Variants in RGP1 observed in about 807,000 individuals in gnomAD.
The protein encoded by RGP1 is RGP1 partner of RAB6A GEF complex, also known as RAB6A-GEF complex partner protein 2.
Under a neutral mutation model 44.5 loss-of-function variants are expected in RGP1, and 28 were observed. The ratio of observed to expected loss-of-function variants is 0.63; its 90% CI spans 0.47 to 0.86. RGP1 has a LOEUF of 0.86. Ranked by LOEUF, RGP1 falls within the 40% of genes least tolerant of loss-of-function variation. RGP1 has a pLI of 0.00. For missense variants in RGP1, 417 were observed against 490.7 expected (o/e 0.85, Z 1.42); for synonymous variants, 212 against 196.7 (o/e 1.08, Z -0.65).
the RGP1 span, among the ~76,000 whole-genome samples, chr9:35,788,612 C>A: frequency 6.6e-6 from 1 of 151,426 alleles, no homozygotes; most frequent in Non-Finnish European, 1.5e-5. Flanking sequence ...TGTTGATTGA[C>A]CCTATCCAGA....
chr9:35,762,114 GA>G (rs543166937), downstream of RGP1, among the ~76,000 whole-genome samples: 905 of 150,436 alleles, frequency 6.0e-3, 16 homozygotes, highest in Non-Finnish European at 5.7e-3. Context: ...AGATTCTGTT[GA>G]AAAAAAAAAT....
chr9:35,778,349 C>T, the RGP1 span, among the ~76,000 whole-genome samples: 189 of 152,252 alleles, frequency 1.2e-3, 2 homozygotes, highest in Non-Finnish European at 2.2e-3. Flanking sequence ...CTGTCTCTTT[C>T]ATCTTGCCCT....
the RGP1 span, among the ~76,000 whole-genome samples, chr9:35,773,785 A>G: frequency 6.6e-6 from 1 of 151,964 alleles, no homozygotes; most frequent in African/African-American, 2.4e-5. Context: ...TACAGGCGTG[A>G]GCCACCGAGC....
At chr9:35,767,993 G>A in the RGP1 span, among the ~76,000 whole-genome samples, 2 of 152,000 alleles carry the variant, frequency 1.3e-5, no homozygotes, top group South Asian at 4.2e-4. Context: ...TAGAGACAGG[G>A]TTTCGCTATG....
the RGP1 span, among the ~76,000 whole-genome samples, chr9:35,770,493 GA>G: frequency 6.3e-4 from 3 of 4,760 alleles, no homozygotes; most frequent in Non-Finnish European, 1.8e-3. Flanking sequence ...TATTACCATG[GA>G]GAGAGAGAGA....
chr9:35,759,567 C>CAAAA (rs57938702), downstream of RGP1, among the ~76,000 whole-genome samples: 16 of 38,308 alleles, frequency 4.2e-4, no homozygotes, highest in South Asian at 1.9e-3. Flanking sequence ...ACCCTGTCTC[C>CAAAA]AAAAAAAAAA....
At chr9:35,776,474 A>T in the RGP1 span, among the ~76,000 whole-genome samples, 1 of 151,792 alleles carries the variant, frequency 6.6e-6, no homozygotes. Context: ...TTCAGTAGAG[A>T]CAGGGTTTCA....
Position 35,754,094 on chromosome 9 carries a change from C to T in RGP1, c.*1220C>T, listed in dbSNP as rs756553841. ...TGATCCCCCAGCCTCCTAGGATCCC[C>T]TTGGCCTGTCCAGCCCAGAGCATCC... On this transcript the variant is annotated 3_prime_UTR_variant, in exon 9 of 9. Transcript: ENST00000378078. The T allele has an allele frequency of 6.8e-6, 11 of 1,613,596 alleles. No individual in the cohort carries two copies. In the East Asian group the frequency reaches 2.0e-4, roughly 29 times the overall value.
At chr9:35,763,881 C>CAAAAAAAAAA in the RGP1 span, among the ~76,000 whole-genome samples, 14 of 81,788 alleles carry the variant, frequency 1.7e-4, no homozygotes, top group South Asian at 8.9e-4. Flanking sequence ...GACTCCATCT[C>CAAAAAAAAAA]AAAAAAAAAA....
rs752735628 is a variant in RGP1 at position 35,753,174 on chromosome 9, C to A, written c.*300C>A. The A allele has an allele frequency of 1.2e-6, 2 of 1,614,188 alleles. No individual in the cohort carries two copies. The highest frequency in any genetic ancestry group is 1.7e-4 in the Middle Eastern group (1 of 6,060). On this transcript the variant is annotated 3_prime_UTR_variant, in exon 9 of 9. Transcript: ENST00000378078. This position sits in a 1 kb window ranked among gnomAD's most constrained non-coding sequence, Gnocchi z 4.2. Reference sequence around the variant, plus strand: ...CCCCATTCTGGGTCAGGCCCTCCCCCTTTGCAGGGCAGCCGAGGGTCAGAT... The same window carrying A: ...CCCCATTCTGGGTCAGGCCCTCCCCATTTGCAGGGCAGCCGAGGGTCAGAT...
Position 35,750,276 on chromosome 9 carries a change from C to G in RGP1, c.150C>G (p.His50Gln), listed in dbSNP as rs1222613482. 6.2e-7 allele frequency: 1 copy of G among 1,613,928 alleles called. No individual in the cohort carries two copies. The highest frequency in any genetic ancestry group is 1.1e-5 in the South Asian group (1 of 91,074). Reference protein sequence around the residue: ...EALAWASAQIHCQFHASESRV... With the variant: ...EALAWASAQIQCQFHASESRV... Reference sequence around the variant, plus strand: ...TGGCCTGGGCCAGTGCCCAAATCCACTGCCAGTTCCATGCCAGTGAGAGTC... The same window carrying G: ...TGGCCTGGGCCAGTGCCCAAATCCAGTGCCAGTTCCATGCCAGTGAGAGTC... The change falls in exon 3 of 9, where the codon CAC becomes CAG. Residue 50 changes from histidine to glutamine, a missense_variant. Transcript: ENST00000378078.
At chr9:35,787,029 G>A in the RGP1 span, among the ~76,000 whole-genome samples, 2 of 151,538 alleles carry the variant, frequency 1.3e-5, no homozygotes, top group African/African-American at 4.8e-5. Flanking sequence ...TAACCCGGGA[G>A]GCGGAGCTTG....
rs553321934 is a variant in RGP1 at position 35,749,330 on chromosome 9, C to A, written c.-98C>A. On this transcript the variant is annotated 5_prime_UTR_variant, in exon 1 of 9. Coordinates refer to ENST00000378078, the MANE Select transcript of RGP1 (RefSeq NM_001080496.3). This position sits in a 1 kb window ranked among gnomAD's most constrained non-coding sequence, Gnocchi z 4.4. ...CAGCGGACGCCGCCGCCGCCGCCGC[C>A]GCCGCGTACCTAGCCAGGTCCCTGA... 807 of 530,150 alleles carry A rather than the reference C, an allele frequency of 1.5e-3. 3 individuals carry two copies. Among genetic ancestry groups the A allele is most frequent in the Non-Finnish European group, 2.1e-3 (554 of 259,152 alleles). The allele number at this position is 530,150 out of a possible 1,614,324, so 32.8% of individuals were successfully genotyped here. A position where few individuals can be genotyped will look rare whatever the true frequency, so the allele number is the denominator to read the frequency against.
intron 2 of RGP1, 145 bp downstream of exon 2, chr9:35,750,016 A>T (rs1471686119): frequency 1.2e-6 from 1 of 868,380 alleles, no homozygotes; most frequent in African/African-American, 1.7e-5. Flanking sequence ...GCTCTTTAAC[A>T]GAAGATGTGG....
chr9:35,763,881 CAAAAA>C, the RGP1 span, among the ~76,000 whole-genome samples: 10 of 81,984 alleles, frequency 1.2e-4, no homozygotes, highest in South Asian at 4.4e-4. Flanking sequence ...GACTCCATCT[CAAAAA>C]AAAAAAAAAA....
downstream of RGP1, among the ~76,000 whole-genome samples, chr9:35,759,918 T>C (rs1588038648): frequency 1.8e-5 from 1 of 56,384 alleles, no homozygotes; most frequent in Admixed American, 1.9e-4. Flanking sequence ...TCATTTTTCC[T>C]TTTTTTTTTT....
At chr9:35,764,192 T>C in the RGP1 span, among the ~76,000 whole-genome samples, 1 of 152,228 alleles carries the variant, frequency 6.6e-6, no homozygotes, top group African/African-American at 2.4e-5. Context: ...TGGAGATCTT[T>C]TGAAGCATTA....
chr9:35,780,961 C>T, the RGP1 span, among the ~76,000 whole-genome samples: 12 of 151,988 alleles, frequency 7.9e-5, no homozygotes, highest in African/African-American at 2.4e-4. Context: ...ATTGAGAAAA[C>T]ATTTATTTGA....
At chr9:35,762,512 A>T (rs1449652821), downstream of RGP1, among the ~76,000 whole-genome samples, 1 of 152,226 alleles carries the variant, frequency 6.6e-6, no homozygotes, top group African/African-American at 2.4e-5. Context: ...AAGCAGGCAG[A>T]TTTAGGAAAA....
Sources: allele counts gnomAD v4.1 joint callset (sites outside exome capture counted in the v4.1 genomes callset), GRCh38; gene constraint gnomAD v4.1.1; non-coding constraint Gnocchi (gnomAD v3.1); transcripts MANE v1.5; gene names NCBI Gene and HGNC (gene_info 2026-07-23, HGNC 2026-07-21).